Variants in PSPC1 observed in about 807,000 individuals in gnomAD.
The protein encoded by PSPC1 is paraspeckle protein 1.
Under a neutral mutation model 51.6 loss-of-function variants are expected in PSPC1, and 14 were observed. That is an observed-to-expected ratio of 0.27 (90% CI 0.18 to 0.42). The LOEUF is 0.42. Among genes scored for constraint, PSPC1 ranks in the 10% least tolerant of loss-of-function variants. PSPC1 has a pLI of 1.00. For missense variants in PSPC1, 406 were observed against 701.1 expected, an observed-to-expected ratio of 0.58 and a Z score of 4.75; for synonymous variants, 193 against 231.9, an observed-to-expected ratio of 0.83 and a Z score of 1.53.
At chr13:19,735,946 G>A (rs945874888) in intron 5 of PSPC1, among the ~76,000 whole-genome samples, 2 of 151,782 alleles carry the variant, frequency 1.3e-5, no homozygotes, top group Non-Finnish European at 2.9e-5. Context: ...CTCAGACTCT[G>A]AGTAGCTGGG....
At chr13:19,712,469 TTTA>T (rs1744834169) in intron 6 of PSPC1, among the ~76,000 whole-genome samples, 1 of 152,200 alleles carries the variant, frequency 6.6e-6, no homozygotes, top group South Asian at 2.1e-4. Context: ...TAGTGCAAGC[TTTA>T]TTATTCACAA....
At position 19,751,265 on chromosome 13, in the gene PSPC1, A is replaced by G. The variant is rs774793313; in HGVS notation, c.967+6T>C. On this transcript the variant is annotated splice_donor_region_variant and intron_variant, in intron 4 of 8. Coordinates refer to ENST00000338910, the MANE Select transcript of PSPC1 (RefSeq NM_001354909.2). ...ATACCACATGTACATGAAAATCCAT[A>G]TTTACCTTGCCTCATTAGCATTAAT... is the stretch of plus-strand genomic sequence containing the variant. 3.9e-6 allele frequency: 6 copies of G among 1,521,382 alleles called. No homozygotes were observed. Among genetic ancestry groups the G allele is most frequent in the Middle Eastern group, 1.8e-4 (1 of 5,648 alleles). The allele number at this position is 1,521,382 out of a possible 1,614,324, so 94.2% of individuals were successfully genotyped here.
intron 2 of PSPC1, among the ~76,000 whole-genome samples, chr13:19,760,528 C>CAAAA (rs1392875108): frequency 9.2e-6 from 1 of 109,020 alleles, no homozygotes; most frequent in Middle Eastern, 5.0e-3. Context: ...ACTCTGTCAC[C>CAAAA]AAAAAAAAAA....
intron 4 of PSPC1, among the ~76,000 whole-genome samples, chr13:19,742,976 T>C (rs551673505): frequency 1.3e-5 from 2 of 152,276 alleles, no homozygotes; most frequent in Non-Finnish European, 2.9e-5. Flanking sequence ...TAAATGCTGA[T>C]ATAAACAAGA....
downstream of PSPC1, among the ~76,000 whole-genome samples, chr13:19,701,354 A>G (rs566046845): frequency 4.8e-4 from 72 of 151,296 alleles, no homozygotes; most frequent in African/African-American, 1.7e-3. Context: ...AGTGCAATAG[A>G]TATCACTGAA....
chr13:19,718,131 A>C (rs1882348385), intron 6 of PSPC1, among the ~76,000 whole-genome samples: 1 of 152,204 alleles, frequency 6.6e-6, no homozygotes, highest in African/African-American at 2.4e-5. Context: ...TTTCCAACCT[A>C]ATCAATAGTG....
chr13:19,671,345 CT>C (rs1413612931), downstream of PSPC1: 1 of 1,498,334 alleles, frequency 6.7e-7, no homozygotes, highest in African/African-American at 1.4e-5. Context: ...CTCCAGATTA[CT>C]TTATCAACAT....
At chr13:19,756,470 T>C (rs9508876) in intron 3 of PSPC1, among the ~76,000 whole-genome samples, 121,888 of 151,950 alleles carry the variant, frequency 0.8, 50,214 homozygotes, top group East Asian at 0.96. Context: ...GAGCGAGAAC[T>C]CAGAAGCCTG....
At chr13:19,677,001 G>A (rs192228779) in intron 7 of PSPC1, among the ~76,000 whole-genome samples, 41 of 152,262 alleles carry the variant, frequency 2.7e-4, no homozygotes, top group African/African-American at 7.9e-4. Flanking sequence ...TTGGGAGGCC[G>A]AGGCGGGTGG....
intron 7 of PSPC1, among the ~76,000 whole-genome samples, chr13:19,706,656 C>T (rs1880712244): frequency 1.3e-5 from 2 of 151,990 alleles, no homozygotes; most frequent in African/African-American, 2.4e-5. Flanking sequence ...TCAGATACAA[C>T]ACATTTTTAG....
chr13:19,716,409 A>AT (rs1336952419), intron 6 of PSPC1, among the ~76,000 whole-genome samples: 1 of 152,226 alleles, frequency 6.6e-6, no homozygotes, highest in East Asian at 1.9e-4. Flanking sequence ...ACACCATTTA[A>AT]TGATCAATGA....
chr13:19,746,914 A>T (rs1008350026), intron 4 of PSPC1, among the ~76,000 whole-genome samples: 4 of 152,204 alleles, frequency 2.6e-5, no homozygotes, highest in Non-Finnish European at 5.9e-5. Context: ...GTTCGAGACC[A>T]GCCTGACCAA....
chr13:19,673,088 GTT>G (rs754426334), downstream of PSPC1: 2 of 292,928 alleles, frequency 6.8e-6, no homozygotes, highest in South Asian at 3.8e-5. Flanking sequence ...AACCTATACG[GTT>G]TTTTTTTGTT....
intron 4 of PSPC1, among the ~76,000 whole-genome samples, chr13:19,745,470 G>C (rs905824161): frequency 1.3e-4 from 20 of 152,060 alleles, no homozygotes; most frequent in Admixed American, 6.6e-5. Flanking sequence ...GTAAGACAGT[G>C]TTTTCTCAAT....
Position 19,711,564 on chromosome 13 carries a change from G to GGAGGCAGAGGTTGCAGTGAGCC in PSPC1, c.1159-1987_1159-1966dup, listed in dbSNP as rs1451881841. Reference sequence around the variant, plus strand: ...GAGGCAGGAGAATTGCGGGAACCCAGGAGGCAGAGGTTGCAGTGAGCCGAG... The same window carrying GGAGGCAGAGGTTGCAGTGAGCC: ...GAGGCAGGAGAATTGCGGGAACCCAGGAGGCAGAGGTTGCAGTGAGCCGAGGCAGAGGTTGCAGTGAGCCGAG... On this transcript the variant is annotated intron_variant, in intron 6 of 8. Coordinates refer to ENST00000338910, the MANE Select transcript of PSPC1 (RefSeq NM_001354909.2). Among the ~76,000 whole-genome samples, 4 of 151,412 alleles carry GGAGGCAGAGGTTGCAGTGAGCC rather than the reference G, an allele frequency of 2.6e-5. No homozygotes were observed. The East Asian group carries it at 7.8e-4, about 29-fold the overall frequency.
chr13:19,742,744 A>G (rs945235394), intron 4 of PSPC1, among the ~76,000 whole-genome samples: 3 of 152,146 alleles, frequency 2.0e-5, no homozygotes, highest in Non-Finnish European at 4.4e-5. Context: ...CTCTAAAATA[A>G]AATAACAAAT....
chr13:19,741,323 T>C (rs949791664), intron 5 of PSPC1, among the ~76,000 whole-genome samples: 2 of 152,162 alleles, frequency 1.3e-5, no homozygotes, highest in African/African-American at 4.8e-5. Context: ...TATAATAAAT[T>C]ACATATAATA....
intron 6 of PSPC1, among the ~76,000 whole-genome samples, chr13:19,685,424 G>T (rs529369052): frequency 5.9e-5 from 9 of 152,290 alleles, no homozygotes; most frequent in Admixed American, 2.0e-4. Flanking sequence ...TTTTGATTCG[G>T]CTAATAACTT....
chr13:19,736,642 C>A (rs1292427949), intron 5 of PSPC1, among the ~76,000 whole-genome samples: 1 of 152,116 alleles, frequency 6.6e-6, no homozygotes, highest in Non-Finnish European at 1.5e-5. Context: ...GAGATCGCGC[C>A]ACTGCACTCC....
Sources: allele counts gnomAD v4.1 joint callset (sites outside exome capture counted in the v4.1 genomes callset), GRCh38; gene constraint gnomAD v4.1.1; transcripts MANE v1.5; gene names NCBI Gene and HGNC (gene_info 2026-07-23, HGNC 2026-07-21).